The following BBX variants were observed in gnomAD, a reference collection of about 807,000 sequenced individuals.
BBX encodes the protein BBX high mobility group box domain containing.
In BBX, 30 loss-of-function variants were observed where a neutral mutation model predicts 100.2. That is an observed-to-expected ratio of 0.30 (90% CI 0.22 to 0.41). The LOEUF (loss-of-function observed/expected upper bound fraction) is 0.41. Among genes scored for constraint, BBX ranks in the 10% least tolerant of loss-of-function variants. The pLI is 1.00. For missense variants in BBX, 1,023 were observed against 1,129.8 expected (o/e 0.91, Z 1.35); for synonymous variants, 376 against 388.1 (o/e 0.97, Z 0.37).
intron 3 of BBX, among the ~76,000 whole-genome samples, chr3:107,709,128 AT>A (rs945103393): frequency 1.3e-5 from 2 of 151,778 alleles, no homozygotes; most frequent in East Asian, 1.9e-4. Flanking sequence ...TTGGCTAGCT[AT>A]TTTTTTTTAA....
chr3:107,700,293 GAA>G (rs2060939663), intron 3 of BBX, among the ~76,000 whole-genome samples: 1 of 151,608 alleles, frequency 6.6e-6, no homozygotes, highest in African/African-American at 2.4e-5. Context: ...ACCTTTGAAA[GAA>G]AACAGAAGAA....
At chr3:107,631,958 T>C (rs549773717) in intron 2 of BBX, among the ~76,000 whole-genome samples, 13 of 152,184 alleles carry the variant, frequency 8.5e-5, no homozygotes, top group Non-Finnish European at 1.2e-4. Context: ...GATTTGAAAA[T>C]GGTTTTCAGA....
At chr3:107,770,173 G>C (rs2066784839) in intron 10 of BBX, among the ~76,000 whole-genome samples, 1 of 152,106 alleles carries the variant, frequency 6.6e-6, no homozygotes, top group African/African-American at 2.4e-5. Flanking sequence ...ATCCTTTCAG[G>C]GGTGATGAGA....
chr3:107,770,615 G>A (rs1420900292), intron 10 of BBX, among the ~76,000 whole-genome samples: 4 of 152,154 alleles, frequency 2.6e-5, no homozygotes, highest in African/African-American at 9.7e-5. Context: ...GTTTAATAAA[G>A]AGAAGTTCAT....
intron 10 of BBX, among the ~76,000 whole-genome samples, chr3:107,762,402 G>C (rs1462155370): frequency 6.6e-6 from 1 of 152,210 alleles, no homozygotes; most frequent in African/African-American, 2.4e-5. Flanking sequence ...TTAGACCACT[G>C]TTCTGTGACC....
chr3:107,805,426 C>T lies in BBX; in HGVS notation c.2795C>T (p.Ala932Val), dbSNP rs1178510607. Residue 932 changes from alanine to valine, a missense_variant, in exon 18 of 18, where the codon GCT (alanine) becomes GTT (valine). Physicochemically the swap from Ala to Val is moderately conservative, Grantham distance 64 (BLOSUM62 0). Around this residue, in one of 9 missense-constraint regions of BBX, gnomAD observed 104 missense variants for 132.2 expected, o/e 0.79. Transcript: ENST00000325805. ...HDGQPKEMPQAPVLISCADQ is the reference protein window; with the variant it reads ...HDGQPKEMPQVPVLISCADQ ...GGACAGCCAAAAGAAATGCCGCAGG[C>T]TCCTGTACTTATTTCCTGCGCTGAC... The T allele has an allele frequency of 6.2e-7, 1 of 1,614,154 alleles. No individual in the cohort carries two copies. Among genetic ancestry groups the T allele is most frequent in the East Asian group, 2.2e-5 (1 of 44,880 alleles).
intron 13 of BBX, among the ~76,000 whole-genome samples, chr3:107,783,442 T>G (rs2068099529): frequency 6.6e-6 from 1 of 152,070 alleles, no homozygotes; most frequent in Admixed American, 6.6e-5. Context: ...CTTTTTAGAT[T>G]TCTCTGATTA....
At chr3:107,746,513 A>T (rs1378677605) in intron 8 of BBX, among the ~76,000 whole-genome samples, 4 of 152,210 alleles carry the variant, frequency 2.6e-5, no homozygotes, top group African/African-American at 9.6e-5. Context: ...CTTCTTACTG[A>T]TATTTATTCT....
chr3:107,599,300 C>T (rs2053893255), intron 2 of BBX: 1 of 152,504 alleles, frequency 6.6e-6, no homozygotes, highest in Admixed American at 6.5e-5. Context: ...TCCGCCCCAT[C>T]CCTGCTCTCT....
chr3:107,607,645 C>T (rs1449046602), intron 2 of BBX, among the ~76,000 whole-genome samples: 2 of 152,190 alleles, frequency 1.3e-5, no homozygotes, highest in East Asian at 3.9e-4. Context: ...AACCGTTCTC[C>T]ATAGTGGTTG....
Position 107,750,203 on chromosome 3 carries a change from T to C in BBX, c.825+2164T>C, listed in dbSNP as rs1030835266. ...TTGGAGGAGAGAGTCATGCAGGGTG[T>C]CATTCCCAGAGGTTGCCCCTCTGCT... On this transcript the variant is annotated intron_variant, in intron 9 of 17. Coordinates refer to ENST00000325805, the MANE Select transcript of BBX (RefSeq NM_001142568.3). Among the ~76,000 whole-genome samples the C allele has an allele frequency of 2.0e-5, 3 of 152,190 alleles. No homozygotes were observed. The South Asian group carries it at 6.2e-4, about 31-fold the overall frequency.
At chr3:107,674,553 C>T (rs1420037712) in intron 3 of BBX, among the ~76,000 whole-genome samples, 5 of 152,154 alleles carry the variant, frequency 3.3e-5, no homozygotes, top group Non-Finnish European at 5.9e-5. Context: ...TTGAGGCGTG[C>T]GATGCGTAGA....
At chr3:107,783,305 G>C (rs1190770714) in intron 13 of BBX, among the ~76,000 whole-genome samples, 1 of 151,866 alleles carries the variant, frequency 6.6e-6, no homozygotes, top group Non-Finnish European at 1.5e-5. Flanking sequence ...AATTTGGGGG[G>C]TGGCCAGAAG....
intron 3 of BBX, among the ~76,000 whole-genome samples, chr3:107,700,924 A>G (rs1435149149): frequency 1.3e-5 from 2 of 151,966 alleles, no homozygotes; most frequent in Middle Eastern, 3.4e-3. Flanking sequence ...TCTTTATAGC[A>G]GCATGATTTA....
chr3:107,796,198 T>TA (rs1346124964), intron 15 of BBX, among the ~76,000 whole-genome samples: 1 of 152,220 alleles, frequency 6.6e-6, no homozygotes, highest in Non-Finnish European at 1.5e-5. Context: ...CTGTGACTGT[T>TA]ACTTCCATTA....
chr3:107,541,591 C>T lies in BBX; in HGVS notation c.-84+15193C>T, dbSNP rs1195375808. ...TAAATGTATAGTGACCACATACTGA[C>T]AAACAATGAACTTTTAGGTGTATGT... is the stretch of plus-strand genomic sequence containing the variant. On this transcript the variant is annotated intron_variant, in intron 2 of 17. Coordinates refer to ENST00000325805, the MANE Select transcript of BBX (RefSeq NM_001142568.3). Among the ~76,000 whole-genome samples the T allele has an allele frequency of 3.3e-5, 5 of 152,064 alleles. No homozygotes were observed. The East Asian group carries it at 9.6e-4, about 29-fold the overall frequency.
intron 2 of BBX, among the ~76,000 whole-genome samples, chr3:107,559,864 C>A (rs899407475): frequency 2.6e-5 from 4 of 152,152 alleles, no homozygotes; most frequent in African/African-American, 9.7e-5. Flanking sequence ...CAACTCTCAG[C>A]CTCCCAAGTA....
At chr3:107,799,039 G>C (rs1337800180) in intron 16 of BBX, among the ~76,000 whole-genome samples, 1 of 151,362 alleles carries the variant, frequency 6.6e-6, no homozygotes, top group African/African-American at 2.4e-5. Context: ...AGTCCCAGCT[G>C]CTTGGGAGGC....
intron 2 of BBX, among the ~76,000 whole-genome samples, chr3:107,570,621 A>G (rs545192325): frequency 4.6e-5 from 7 of 152,150 alleles, no homozygotes; most frequent in Non-Finnish European, 1.0e-4. Context: ...TTGAGGAAAG[A>G]AACTGTAAGC....
Sources: gnomAD v4.1 joint callset for allele counts (sites outside exome capture counted in the v4.1 genomes callset) on GRCh38, gnomAD v4.1.1 for gene constraint, gnomAD v4.1.1 regional missense constraint, MANE v1.5 for transcripts, NCBI Gene and HGNC (gene_info 2026-07-23, HGNC 2026-07-21) for gene names.